Variants in COL10A1 observed in about 807,000 individuals in gnomAD.
The protein encoded by COL10A1 is collagen alpha-1(X) chain.
Under a neutral mutation model 18.2 loss-of-function variants are expected in COL10A1, and 10 were observed. The observed-to-expected ratio is 0.55, with a 90% CI of 0.34 to 0.93. COL10A1 has a LOEUF of 0.93. Ranked by LOEUF, COL10A1 falls within the 40% of genes least tolerant of loss-of-function variation. COL10A1 has a pLI of 0.02. For missense variants in COL10A1, 897 were observed against 853.5 expected, an observed-to-expected ratio of 1.05 and a Z score of -0.64; for synonymous variants, 330 against 316.6, an observed-to-expected ratio of 1.04 and a Z score of -0.45.
the COL10A1 span, among the ~76,000 whole-genome samples, chr6:116,185,912 T>C: frequency 1.3e-5 from 2 of 152,132 alleles, no homozygotes; most frequent in African/African-American, 2.4e-5. Flanking sequence ...ATCCTGCAAG[T>C]TGTTTCCTGA....
In COL10A1 at chr6:116,121,983, C is replaced by T. The variant is rs369442530; in HGVS notation, c.155-22G>A. 5.0e-6 allele frequency: 8 copies of T among 1,599,276 alleles called. No individual in the cohort carries two copies. The African/African-American group carries it at 9.4e-5, about 19-fold the overall frequency. ...ATACCTAAAAGACACACCCAACACA[C>T]CCACCCATAGAAGGGGATGGTTAGT... On this transcript the variant is annotated intron_variant, in intron 2 of 2. Transcript: ENST00000651968.
chr6:116,180,965 G>A, the COL10A1 span, among the ~76,000 whole-genome samples: 1 of 151,952 alleles, frequency 6.6e-6, no homozygotes, highest in Non-Finnish European at 1.5e-5. Context: ...AAGAATTATT[G>A]TTATATTTTT....
At chr6:116,192,080 A>G in the COL10A1 span, among the ~76,000 whole-genome samples, 2 of 152,042 alleles carry the variant, frequency 1.3e-5, no homozygotes, top group African/African-American at 2.4e-5. Context: ...CATTAATATC[A>G]TGATTAAGAA....
intron 1 of COL10A1, among the ~76,000 whole-genome samples, chr6:116,136,385 C>T (rs1026361344): frequency 6.6e-6 from 1 of 152,018 alleles, no homozygotes; most frequent in African/African-American, 2.4e-5. Flanking sequence ...CACTGTGTTA[C>T]ATGCTTTATA....
chr6:116,149,523 A>G (rs1779982500), intron 1 of COL10A1, among the ~76,000 whole-genome samples: 1 of 152,212 alleles, frequency 6.6e-6, no homozygotes, highest in Non-Finnish European at 1.5e-5. Context: ...CAGAGCTTTC[A>G]AAACAGAATG....
the COL10A1 span, among the ~76,000 whole-genome samples, chr6:116,190,345 A>AT: frequency 6.6e-6 from 1 of 151,898 alleles, no homozygotes; most frequent in Admixed American, 6.6e-5. Flanking sequence ...AAAGGAAGCA[A>AT]TTTTTTATAT....
At chr6:116,153,912 C>T (rs1022493460) in intron 1 of COL10A1, among the ~76,000 whole-genome samples, 2 of 151,844 alleles carry the variant, frequency 1.3e-5, no homozygotes, top group East Asian at 1.9e-4. Flanking sequence ...AATCTTACTA[C>T]GTGCCAAAAG....
At chr6:116,186,673 C>T in the COL10A1 span, among the ~76,000 whole-genome samples, 9 of 151,968 alleles carry the variant, frequency 5.9e-5, no homozygotes, top group Admixed American at 3.9e-4. Flanking sequence ...TCTGTTGCTG[C>T]GAGTTTCCAG....
At chr6:116,170,191 A>G in the COL10A1 span, among the ~76,000 whole-genome samples, 6 of 152,068 alleles carry the variant, frequency 3.9e-5, no homozygotes, top group African/African-American at 1.2e-4. Context: ...AAGTGGAGAG[A>G]CAAAAGGAGT....
chr6:116,130,850 A>G (rs1779440823), upstream of COL10A1, among the ~76,000 whole-genome samples: 1 of 152,130 alleles, frequency 6.6e-6, no homozygotes, highest in South Asian at 2.1e-4. Context: ...TCTCAAAATA[A>G]AAATACCAAT....
At chr6:116,194,927 T>C in the COL10A1 span, among the ~76,000 whole-genome samples, 2 of 152,196 alleles carry the variant, frequency 1.3e-5, no homozygotes, top group South Asian at 4.1e-4. Context: ...CCAAAAGTCA[T>C]AGTTGGATAC....
chr6:116,121,260 C>A lies in COL10A1; in HGVS notation c.856G>T (p.Ala286Ser), dbSNP rs763133024. The change falls in exon 3 of 3, where the codon GCT becomes TCT. Residue 286 changes from alanine (A) to serine (S), a missense_variant. Physicochemically the swap from Ala to Ser is moderately conservative, Grantham distance 99. Coordinates refer to ENST00000651968, the MANE Select transcript of COL10A1 (RefSeq NM_000493.4). Reference protein sequence around the residue: ...GIPGTKGLPGAPGIAGPPGPP... With the variant: ...GIPGTKGLPGSPGIAGPPGPP... ...CCTGGGGGCCCAGCTATTCCTGGAG[C>A]CCCAGGGAGACCTTTTGTTCCTGGA... is the stretch of plus-strand genomic sequence containing the variant. 3.1e-6 allele frequency: 5 copies of A among 1,613,916 alleles called. No individual in the cohort carries two copies. In the South Asian group the frequency reaches 5.5e-5, roughly 18 times the overall value.
chr6:116,142,772 G>A (rs927822316), intron 1 of COL10A1, among the ~76,000 whole-genome samples: 1 of 152,120 alleles, frequency 6.6e-6, no homozygotes, highest in Admixed American at 6.5e-5. Flanking sequence ...TTTGTTTCTT[G>A]TGAACTGTCT....
the COL10A1 span, among the ~76,000 whole-genome samples, chr6:116,173,352 A>G: frequency 3.9e-5 from 6 of 152,204 alleles, no homozygotes; most frequent in Non-Finnish European, 7.4e-5. Flanking sequence ...CTCTTTAACA[A>G]TCTGAAGTTG....
chr6:116,192,291 T>C, the COL10A1 span, among the ~76,000 whole-genome samples: 3 of 151,962 alleles, frequency 2.0e-5, no homozygotes, highest in South Asian at 6.2e-4. Context: ...GCCTAATACA[T>C]AGTGAGGAGC....
the COL10A1 span, among the ~76,000 whole-genome samples, chr6:116,196,763 ACT>A: frequency 2.0e-5 from 3 of 151,156 alleles, no homozygotes; most frequent in African/African-American, 7.3e-5. Context: ...ATGCTGGCTC[ACT>A]CTCTCCACCT....
Position 116,120,483 on chromosome 6 carries a change from C to A in COL10A1, c.1633G>T (p.Gly545Trp), listed in dbSNP as rs2228547. The A allele has an allele frequency of 6.8e-6, 11 of 1,614,090 alleles. No individual in the cohort carries two copies. In the South Asian group the frequency reaches 8.8e-5, roughly 13 times the overall value. The part of the protein sequence containing the change: ...SGTPLVSANQ[G>W]VTGMPVSAFT... ...GCAGACACAGGCATTCCTGTTACCC[C>A]CTGGTTGGCACTAACAAGAGGGGTC... is the stretch of plus-strand genomic sequence containing the variant. The change falls in exon 3 of 3, where the codon GGG (glycine) becomes TGG (tryptophan). Residue 545 changes from glycine (G) to tryptophan (W), a missense_variant. Transcript: ENST00000651968.
chr6:116,163,337 CT>C (rs1382802934), upstream of COL10A1, among the ~76,000 whole-genome samples: 1 of 151,292 alleles, frequency 6.6e-6, no homozygotes, highest in African/African-American at 2.4e-5. Flanking sequence ...TAATTTCCCC[CT>C]GGTTCAATCT....
At chr6:116,163,951 C>G in the COL10A1 span, among the ~76,000 whole-genome samples, 2 of 152,084 alleles carry the variant, frequency 1.3e-5, no homozygotes, top group South Asian at 2.1e-4. Context: ...CTGCTATATT[C>G]TGAGAGGATA....
Sources: gnomAD v4.1 joint callset for allele counts (sites outside exome capture counted in the v4.1 genomes callset) on GRCh38, gnomAD v4.1.1 for gene constraint, MANE v1.5 for transcripts, NCBI Gene and HGNC (gene_info 2026-07-23, HGNC 2026-07-21) for gene names.